The following TRAPPC11 variants were observed in gnomAD, a reference collection of about 807,000 sequenced individuals.
TRAPPC11 encodes the protein foie gras homolog.
TRAPPC11 carries 104 observed loss-of-function variants against 151.2 expected under a neutral mutation model. The ratio of observed to expected loss-of-function variants is 0.69; its 90% CI spans 0.59 to 0.81. The LOEUF is 0.81. Among genes scored for constraint, TRAPPC11 ranks in the 30% least tolerant of loss-of-function variants. The pLI, the probability that TRAPPC11 is intolerant of heterozygous loss-of-function variation, is 0.00. For missense variants in TRAPPC11, 1,230 were observed against 1,349.6 expected (o/e 0.91, Z 1.39); for synonymous variants, 456 against 472.3 (o/e 0.97, Z 0.45).
chr4:183,677,999 T>G (rs778855134), intron 8 of TRAPPC11, among the ~76,000 whole-genome samples: 55 of 150,186 alleles, frequency 3.7e-4, no homozygotes, highest in Non-Finnish European at 7.4e-4. Context: ...AGTGCAGTGG[T>G]GGGATCTCGG....
chr4:183,694,836 C>T, intron 23 of TRAPPC11, 113 bp downstream of exon 23: 6 of 1,075,474 alleles, frequency 5.6e-6, no homozygotes, highest in Non-Finnish European at 5.3e-6. Context: ...TGCTTATAGT[C>T]TGTTATAAAT....
chr4:183,676,221 C>T (rs1735401575), intron 7 of TRAPPC11, among the ~76,000 whole-genome samples: 1 of 151,890 alleles, frequency 6.6e-6, no homozygotes, highest in Non-Finnish European at 1.5e-5. Context: ...GCGATCTCGG[C>T]TCACTGCAAC....
In TRAPPC11 at chr4:183,708,547, T is replaced by G; in HGVS notation, c.3330T>G (p.Arg1110=). The G allele has an allele frequency of 6.2e-7, 1 of 1,614,016 alleles. No homozygotes were observed. Among genetic ancestry groups the G allele is most frequent in the Non-Finnish European group, 8.5e-7 (1 of 1,179,958 alleles). Residue 1110 remains arginine, a synonymous_variant, in exon 29 of 30, where the codon CGT becomes CGG. Transcript: ENST00000334690. ...FPNFTNQLLR[R]FIPTSIFVKP... ...ACTTCACAAATCAGCTGCTCAGGCG[T>G]TTTATACCTACCAGTATTTTTGTCA...
intron 27 of TRAPPC11, among the ~76,000 whole-genome samples, chr4:183,706,262 G>A (rs997762952): frequency 3.3e-5 from 5 of 152,178 alleles, no homozygotes; most frequent in South Asian, 4.1e-4. Context: ...GGTGGCTCAC[G>A]CCTGTAATCC....
At chr4:183,694,949 T>C (rs915069866) in intron 23 of TRAPPC11, among the ~76,000 whole-genome samples, 3 of 148,628 alleles carry the variant, frequency 2.0e-5, no homozygotes, top group Admixed American at 6.7e-5. Context: ...GCTTTTCTTT[T>C]TTTTTTTTTT....
chr4:183,684,114 G>A, intron 12 of TRAPPC11, 31 bp from the exon 13 acceptor site: 3 of 1,606,014 alleles, frequency 1.9e-6, no homozygotes, highest in Non-Finnish European at 2.6e-6. Flanking sequence ...TATTTGTATT[G>A]AAATGTTTCA....
chr4:183,668,436 A>G (rs905977270), intron 5 of TRAPPC11, among the ~76,000 whole-genome samples: 4 of 152,240 alleles, frequency 2.6e-5, no homozygotes, highest in Non-Finnish European at 4.4e-5. Flanking sequence ...TATGATACAC[A>G]GTGATCTTCC....
At position 183,684,005 on chromosome 4, in the gene TRAPPC11, AGGT is replaced by A. The variant is rs1253186927; in HGVS notation, c.1241_1243del (p.Val414del). The A allele has an allele frequency of 1.9e-6, 3 of 1,614,062 alleles. No homozygotes were observed. The highest frequency in any genetic ancestry group is 2.5e-6 in the Non-Finnish European group (3 of 1,179,966). ...GATCTTTCTGATCCTGAAAAAGAAAAGGTGGGAATTCTTGCCATTCAGCTGAAG... is the reference window on the plus strand; with the variant it reads ...GATCTTTCTGATCCTGAAAAAGAAAAGGGAATTCTTGCCATTCAGCTGAAG... On this transcript the variant is annotated inframe_deletion, in exon 12 of 30. Coordinates refer to ENST00000334690, the MANE Select transcript of TRAPPC11 (RefSeq NM_021942.6).
intron 23 of TRAPPC11, 89 bp downstream of exon 23, chr4:183,694,812 A>G (rs1411182857): frequency 7.2e-7 from 1 of 1,394,440 alleles, no homozygotes; most frequent in Non-Finnish European, 9.8e-7. Flanking sequence ...TAAGCATAAA[A>G]TAAGCAGTTT....
In TRAPPC11 at chr4:183,694,647, G is replaced by T; in HGVS notation, c.2552G>T (p.Arg851Ile). 1 of 1,612,654 alleles carries T rather than the reference G, an allele frequency of 6.2e-7. No homozygotes were observed. The highest frequency in any genetic ancestry group is 8.5e-7 in the Non-Finnish European group (1 of 1,179,494). The change falls in exon 23 of 30, where the codon AGA becomes ATA. Residue 851 changes from arginine to isoleucine, a missense_variant. Arg to Ile is a moderately conservative substitution (Grantham distance 97). Coordinates refer to ENST00000334690, the MANE Select transcript of TRAPPC11 (RefSeq NM_021942.6). ...GTTCGCTGTGGAACAGTGGGTTCCA[G>T]AATGTTTCTTGTATATGTTTCTTAC... is the stretch of plus-strand genomic sequence containing the variant. ...LYVRCGTVGSRMFLVYVSYLI... is the reference protein window; with the variant it reads ...LYVRCGTVGSIMFLVYVSYLI...
chr4:183,712,774 A>C lies in TRAPPC11; in HGVS notation c.*130A>C. The stretch of plus-strand genomic sequence containing the variant: ...TCTATTTTTTAATGGATGTTATACC[A>C]ACTATTCAGAGGAACTCATACTTCA... On this transcript the variant is annotated 3_prime_UTR_variant, in exon 30 of 30. Coordinates refer to ENST00000334690, the MANE Select transcript of TRAPPC11 (RefSeq NM_021942.6). 1 of 813,032 alleles carries C rather than the reference A, an allele frequency of 1.2e-6. No individual in the cohort carries two copies. The highest frequency in any genetic ancestry group is 2.0e-6 in the Non-Finnish European group (1 of 500,692). The allele number at this position is 813,032 out of a possible 1,614,324, so 50.4% of individuals were successfully genotyped here.
At chr4:183,664,725 T>G (rs1734753699) in intron 2 of TRAPPC11, among the ~76,000 whole-genome samples, 1 of 152,134 alleles carries the variant, frequency 6.6e-6, no homozygotes, top group Non-Finnish European at 1.5e-5. Context: ...TTAAGCAGTT[T>G]ATGTGTAGTG....
chr4:183,683,715 A>T, intron 11 of TRAPPC11: 1 of 478,972 alleles, frequency 2.1e-6, no homozygotes, highest in Non-Finnish European at 3.8e-6. Flanking sequence ...TCTATAGAGG[A>T]TGATATTGAC....
chr4:183,674,650 C>A, intron 5 of TRAPPC11, 63 bp from the exon 6 acceptor site: 3 of 906,426 alleles, frequency 3.3e-6, no homozygotes, highest in South Asian at 3.9e-5. Context: ...CACAAATATT[C>A]TTGAAAAGTT....
chr4:183,667,506 C>A (rs1734945922), intron 4 of TRAPPC11, among the ~76,000 whole-genome samples: 1 of 152,062 alleles, frequency 6.6e-6, no homozygotes, highest in African/African-American at 2.4e-5. Context: ...AAGCTGTATT[C>A]CTTATATGAA....
intron 29 of TRAPPC11, among the ~76,000 whole-genome samples, chr4:183,710,716 C>T (rs1737300893): frequency 1.3e-5 from 2 of 152,000 alleles, no homozygotes; most frequent in African/African-American, 2.4e-5. Context: ...GCTCTTTAAT[C>T]AGTAGGGAAA....
intron 6 of TRAPPC11, 21 bp downstream of exon 6, chr4:183,674,833 A>C: frequency 1.4e-6 from 2 of 1,388,182 alleles, no homozygotes; most frequent in Non-Finnish European, 1.0e-6. Flanking sequence ...TTTTGCAATA[A>C]TAGAAGCATT....
chr4:183,674,678 A>G (rs1735322119), intron 5 of TRAPPC11, 35 bp from the exon 6 acceptor site: 2 of 1,241,524 alleles, frequency 1.6e-6, no homozygotes, highest in Non-Finnish European at 1.1e-6. Flanking sequence ...AAATAATTCA[A>G]TATGTAAATG....
intron 10 of TRAPPC11, among the ~76,000 whole-genome samples, chr4:183,682,345 A>C (rs999790148): frequency 4.6e-5 from 7 of 152,250 alleles, no homozygotes; most frequent in African/African-American, 9.6e-5. Flanking sequence ...AGAAGTGATA[A>C]AGAAGGAAAA....
Sources: gnomAD v4.1 joint callset for allele counts (sites outside exome capture counted in the v4.1 genomes callset) on GRCh38, gnomAD v4.1.1 for gene constraint, MANE v1.5 for transcripts, NCBI Gene and HGNC (gene_info 2026-07-23, HGNC 2026-07-21) for gene names.